Variants in TTC27 observed in about 807,000 individuals in gnomAD.
The protein encoded by TTC27 is tetratricopeptide repeat protein 27.
Under a neutral mutation model 115.9 loss-of-function variants are expected in TTC27, and 79 were observed. The observed-to-expected ratio is 0.68, with a 90% confidence interval of 0.57 to 0.82. The LOEUF is 0.82. TTC27 is among the 40% of genes least tolerant of loss of function. The probability of loss-of-function intolerance (pLI) is 0.00; values close to 1 mark genes in which losing one functional copy is unlikely to be tolerated. For synonymous variants in TTC27, 401 were observed against 356.0 expected (o/e 1.13, Z -1.42); for missense variants, 1,054 against 993.1 (o/e 1.06, Z -0.82).
intron 10 of TTC27, among the ~76,000 whole-genome samples, chr2:32,723,703 C>CCTCT (rs1668002941): frequency 1.6e-5 from 1 of 61,974 alleles, no homozygotes. Flanking sequence ...TTCCTCCCTC[C>CCTCT]CTCCCTCCCT....
At chr2:32,661,509 G>A (rs1345297311) in intron 5 of TTC27, among the ~76,000 whole-genome samples, 2 of 151,986 alleles carry the variant, frequency 1.3e-5, no homozygotes, top group Non-Finnish European at 2.9e-5. Context: ...GTGTTCCTAG[G>A]TATTTTATTC....
chr2:32,817,892 C>T (rs1303550909), intron 19 of TTC27, among the ~76,000 whole-genome samples: 1 of 152,090 alleles, frequency 6.6e-6, no homozygotes, highest in African/African-American at 2.4e-5. Context: ...CCCATCTCTA[C>T]TAAAAAATAC....
chr2:32,795,765 G>C (rs1376295097), intron 16 of TTC27, among the ~76,000 whole-genome samples: 1 of 78,264 alleles, frequency 1.3e-5, no homozygotes, highest in Admixed American at 1.2e-4. Context: ...TTTTAGTAGA[G>C]ATGGGGTTTC....
At chr2:32,676,436 T>C (rs1666207542) in intron 8 of TTC27, among the ~76,000 whole-genome samples, 1 of 151,972 alleles carries the variant, frequency 6.6e-6, no homozygotes, top group Non-Finnish European at 1.5e-5. Context: ...CCTTAAACAG[T>C]ATTGAAAATT....
At position 32,758,457 on chromosome 2, in the gene TTC27, A is replaced by G. The variant is rs1165138772; in HGVS notation, c.1618A>G (p.Asn540Asp). 3.1e-6 allele frequency: 5 copies of G among 1,614,128 alleles called. No individual in the cohort carries two copies. In the Admixed American group the frequency reaches 5.0e-5, roughly 16 times the overall value. Reference sequence around the variant, plus strand: ...CTCCAAAGCCCTCCTTCATCTTCGGAACAAGGAGTTTCAAGAGTGTGTAGA... The same window carrying G: ...CTCCAAAGCCCTCCTTCATCTTCGGGACAAGGAGTTTCAAGAGTGTGTAGA... ...QRSKALLHLR[N>D]KEFQECVECF... Residue 540 changes from asparagine to aspartate, a missense_variant, in exon 13 of 20, where the codon AAC becomes GAC. Coordinates refer to ENST00000317907, the MANE Select transcript of TTC27 (RefSeq NM_017735.5).
chr2:32,770,073 A>G (rs1669777666), intron 13 of TTC27, among the ~76,000 whole-genome samples: 1 of 152,168 alleles, frequency 6.6e-6, no homozygotes, highest in Non-Finnish European at 1.5e-5. Context: ...AAAATTGGGA[A>G]AATATGTTTC....
intron 10 of TTC27, among the ~76,000 whole-genome samples, chr2:32,732,708 G>C (rs982455370): frequency 2.0e-5 from 3 of 152,104 alleles, no homozygotes; most frequent in African/African-American, 4.8e-5. Flanking sequence ...CGAAGTTTTG[G>C]AGAGTAAGTT....
chr2:32,814,218 C>A (rs528449585), intron 18 of TTC27, among the ~76,000 whole-genome samples: 1 of 152,130 alleles, frequency 6.6e-6, no homozygotes, highest in Non-Finnish European at 1.5e-5. Flanking sequence ...GAGAGATATG[C>A]AGGTTAAAGA....
At chr2:32,814,996 A>G (rs1453965366) in intron 18 of TTC27, among the ~76,000 whole-genome samples, 1 of 152,184 alleles carries the variant, frequency 6.6e-6, no homozygotes, top group Non-Finnish European at 1.5e-5. Context: ...AGAAAGCTTG[A>G]TAAGATATTG....
chr2:32,707,320 A>C (rs1452013405), intron 10 of TTC27, among the ~76,000 whole-genome samples: 1 of 152,152 alleles, frequency 6.6e-6, no homozygotes, highest in African/African-American at 2.4e-5. Flanking sequence ...AAGTATATGT[A>C]AGAGAGAGAG....
intron 10 of TTC27, among the ~76,000 whole-genome samples, chr2:32,712,279 G>A (rs74261852): frequency 0.056 from 8,559 of 152,240 alleles, 333 homozygotes; most frequent in East Asian, 0.12. Context: ...ACTCCAAGTC[G>A]AGGACAATCT....
chr2:32,691,622 T>C (rs948003412), intron 9 of TTC27, among the ~76,000 whole-genome samples: 3 of 152,156 alleles, frequency 2.0e-5, no homozygotes, highest in Non-Finnish European at 2.9e-5. Flanking sequence ...CTTTGATGAA[T>C]ACTTCTCTTT....
intron 12 of TTC27, among the ~76,000 whole-genome samples, chr2:32,756,334 ACATCTCT>A (rs1669231659): frequency 6.6e-6 from 1 of 152,252 alleles, no homozygotes; most frequent in Non-Finnish European, 1.5e-5. Flanking sequence ...GTGGTTGAAT[ACATCTCT>A]TTATAGGTGA....
intron 12 of TTC27, among the ~76,000 whole-genome samples, chr2:32,744,150 C>A (rs1668738849): frequency 6.6e-6 from 1 of 152,162 alleles, no homozygotes; most frequent in South Asian, 2.1e-4. Context: ...GTACAGATTC[C>A]AAATTCTATG....
At chr2:32,690,248 T>C (rs1476538355) in intron 9 of TTC27, among the ~76,000 whole-genome samples, 1 of 152,218 alleles carries the variant, frequency 6.6e-6, no homozygotes, top group Non-Finnish European at 1.5e-5. Flanking sequence ...GTGTCTTTGC[T>C]GCCTATATGA....
intron 4 of TTC27, among the ~76,000 whole-genome samples, chr2:32,644,779 G>T (rs1326819374): frequency 6.6e-6 from 1 of 150,396 alleles, no homozygotes; most frequent in Non-Finnish European, 1.5e-5. Flanking sequence ...GATTTTTCCT[G>T]TGGGTCTTTA....
intron 12 of TTC27, among the ~76,000 whole-genome samples, chr2:32,753,090 C>A (rs1384602955): frequency 6.6e-6 from 1 of 152,130 alleles, no homozygotes; most frequent in African/African-American, 2.4e-5. Context: ...GTCTCGGACA[C>A]TTGGGGACTG....
At chr2:32,746,258 C>T (rs1158562889) in intron 12 of TTC27, among the ~76,000 whole-genome samples, 1 of 151,892 alleles carries the variant, frequency 6.6e-6, no homozygotes, top group Non-Finnish European at 1.5e-5. Context: ...AAGTTTCTTG[C>T]ATCCTATAAG....
chr2:32,730,058 T>C (rs1319178775), intron 10 of TTC27, among the ~76,000 whole-genome samples: 1 of 152,158 alleles, frequency 6.6e-6, no homozygotes, highest in East Asian at 1.9e-4. Context: ...TTCATGCACA[T>C]AAATACCTCA....
Sources: allele counts gnomAD v4.1 joint callset (sites outside exome capture counted in the v4.1 genomes callset), GRCh38; gene constraint gnomAD v4.1.1; transcripts MANE v1.5; gene names NCBI Gene and HGNC (gene_info 2026-07-23, HGNC 2026-07-21).